LANCL2: variants seen among roughly 807,000 people sequenced by gnomAD.
The protein encoded by LANCL2 is lanC-like protein 2.
Under a neutral mutation model 56.9 loss-of-function variants are expected in LANCL2, and 33 were observed. That is an observed-to-expected ratio of 0.58 (90% CI 0.44 to 0.78). LANCL2 has a LOEUF of 0.78. LANCL2 is among the 30% of genes least tolerant of loss of function. LANCL2 has a pLI of 0.00. For missense variants in LANCL2, 562 were observed against 580.2 expected, an observed-to-expected ratio of 0.97 and a Z score of 0.32; for synonymous variants, 233 against 228.2, an observed-to-expected ratio of 1.02 and a Z score of -0.19.
chr7:55,367,368 G>A (rs1322107817), intron 1 of LANCL2, among the ~76,000 whole-genome samples: 1 of 152,176 alleles, frequency 6.6e-6, no homozygotes, highest in African/African-American at 2.4e-5. Flanking sequence ...AGAGCCATTG[G>A]TCTGAATATG....
chr7:55,402,119 C>G (rs1203308099), intron 5 of LANCL2, among the ~76,000 whole-genome samples: 2 of 139,494 alleles, frequency 1.4e-5, no homozygotes, highest in East Asian at 2.2e-4. Flanking sequence ...TAGGGGCGGC[C>G]GGGCAGAGGC....
rs149621704 is a variant in LANCL2 at position 55,397,564 on chromosome 7, G to C, written c.323-859G>C. Among the ~76,000 whole-genome samples the C allele has an allele frequency of 5.4e-5, 8 of 148,394 alleles. No individual in the cohort carries two copies. The East Asian group carries it at 1.6e-3, about 29-fold the overall frequency. On this transcript the variant is annotated intron_variant, in intron 2 of 8. Coordinates refer to ENST00000254770, the MANE Select transcript of LANCL2 (RefSeq NM_018697.4). ...GAAGAACCTCAACTTAAACATGAAA[G>C]AAATATTTCATTTGCCCTTTTCACC... is the stretch of plus-strand genomic sequence containing the variant.
At chr7:55,394,511 G>A (rs1046198087) in intron 2 of LANCL2, among the ~76,000 whole-genome samples, 1 of 152,228 alleles carries the variant, frequency 6.6e-6, no homozygotes, top group African/African-American at 2.4e-5. Context: ...AGTGAGCCAT[G>A]ATTACACTGC....
intron 2 of LANCL2, chr7:55,393,938 G>A (rs374031902): frequency 2.6e-5 from 4 of 152,142 alleles, no homozygotes; most frequent in Non-Finnish European, 4.4e-5. Context: ...TAGTCTCAAC[G>A]GGTTTCCCCT....
rs529382588 is a variant in LANCL2, at chr7:55,371,130, T to C, written c.204+4901T>C. Among the ~76,000 whole-genome samples, 8 of 152,350 alleles carry C rather than the reference T, an allele frequency of 5.3e-5. No homozygotes were observed. The East Asian group carries it at 1.5e-3, about 29-fold the overall frequency. Reference sequence around the variant, plus strand: ...TGTGCCTTAGAGCTCTAGACTTGTTTGTCCTGCATATCTTCCATTTTGTAT... The same window carrying C: ...TGTGCCTTAGAGCTCTAGACTTGTTCGTCCTGCATATCTTCCATTTTGTAT... On this transcript the variant is annotated intron_variant, in intron 1 of 8. Transcript: ENST00000254770.
intron 1 of LANCL2, among the ~76,000 whole-genome samples, chr7:55,375,901 A>G (rs1789994893): frequency 6.6e-6 from 1 of 152,076 alleles, no homozygotes; most frequent in Non-Finnish European, 1.5e-5. Context: ...TGCTTTCCAC[A>G]TGGTCCTTAC....
intron 2 of LANCL2, among the ~76,000 whole-genome samples, chr7:55,395,114 G>T (rs2128993109): frequency 6.6e-6 from 1 of 152,266 alleles, no homozygotes; most frequent in South Asian, 2.1e-4. Flanking sequence ...GGACACTGTT[G>T]GGATAAAAGT....
chr7:55,412,945 T>C (rs748133033), intron 6 of LANCL2, among the ~76,000 whole-genome samples: 1 of 152,214 alleles, frequency 6.6e-6, no homozygotes, highest in Admixed American at 6.5e-5. Context: ...TTATTTTTTC[T>C]TTACAGCTAC....
chr7:55,368,690 T>C (rs1789902190), intron 1 of LANCL2, among the ~76,000 whole-genome samples: 1 of 151,810 alleles, frequency 6.6e-6, no homozygotes, highest in Non-Finnish European at 1.5e-5. Context: ...ATGGGTTGAA[T>C]TGTGTCCCCC....
Position 55,433,707 on chromosome 7 carries a change from T to A in LANCL2, c.*2387T>A, listed in dbSNP as rs1243057242. 3 of 152,248 alleles carry A rather than the reference T, an allele frequency of 2.0e-5. No homozygotes were observed. Among genetic ancestry groups the A allele is most frequent in the Non-Finnish European group, 4.4e-5 (3 of 68,042 alleles). 9.4% of individuals were successfully genotyped at this position (152,248 alleles called of 1,614,324 possible). A position where few individuals can be genotyped will look rare whatever the true frequency, so the allele number is the denominator to read the frequency against. The stretch of plus-strand genomic sequence containing the variant: ...AGTGTTTGAGGTTCTTTGGTTTTGT[T>A]AGTAAAAGCCAGTTCTGTGGTGATG... On this transcript the variant is annotated 3_prime_UTR_variant, in exon 9 of 9. Transcript: ENST00000254770.
At chr7:55,397,246 A>G (rs983454228) in intron 2 of LANCL2, 5 of 152,176 alleles carry the variant, frequency 3.3e-5, no homozygotes, top group African/African-American at 7.2e-5. Flanking sequence ...GCGGATCACG[A>G]AGTCAGGAGT....
chr7:55,410,620 C>G (rs4948025), intron 5 of LANCL2, among the ~76,000 whole-genome samples: 51,053 of 152,066 alleles, frequency 0.34, 9,187 homozygotes, highest in East Asian at 0.53. Flanking sequence ...AGTGAAAAAT[C>G]AGTGGCCAGA....
intron 2 of LANCL2, among the ~76,000 whole-genome samples, chr7:55,396,747 A>G (rs1229093876): frequency 6.6e-6 from 1 of 152,230 alleles, no homozygotes; most frequent in Non-Finnish European, 1.5e-5. Flanking sequence ...TTTGCTTTAA[A>G]ATACTGAAGC....
At chr7:55,408,668 CAAAA>C (rs1190768725) in intron 5 of LANCL2, among the ~76,000 whole-genome samples, 1 of 135,880 alleles carries the variant, frequency 7.4e-6, no homozygotes, top group African/African-American at 2.8e-5. Flanking sequence ...GACCCTGTCT[CAAAA>C]AAAAAGAAAA....
chr7:55,376,597 C>G (rs1205568252), intron 1 of LANCL2, among the ~76,000 whole-genome samples: 2 of 152,248 alleles, frequency 1.3e-5, no homozygotes, highest in Non-Finnish European at 2.9e-5. Context: ...TTGCCTGCCT[C>G]TGTGAGTGGG....
chr7:55,368,155 G>A (rs1789896412), intron 1 of LANCL2, among the ~76,000 whole-genome samples: 1 of 152,210 alleles, frequency 6.6e-6, no homozygotes, highest in Non-Finnish European at 1.5e-5. Flanking sequence ...TAGAGACATG[G>A]GAAGCAGGTG....
At chr7:55,428,620 A>G (rs756711349) in intron 8 of LANCL2, among the ~76,000 whole-genome samples, 173 bp downstream of exon 8, 5 of 152,024 alleles carry the variant, frequency 3.3e-5, no homozygotes, top group Non-Finnish European at 7.4e-5. Context: ...CACCTTACCT[A>G]TTGTTTTGTG....
intron 5 of LANCL2, among the ~76,000 whole-genome samples, chr7:55,403,226 C>A (rs910235325): frequency 3.9e-5 from 6 of 152,284 alleles, no homozygotes; most frequent in African/African-American, 1.4e-4. Flanking sequence ...GGATCACTCG[C>A]GGTTAGGAGC....
intron 1 of LANCL2, among the ~76,000 whole-genome samples, chr7:55,389,431 TAAAG>T (rs1790161064): frequency 6.6e-6 from 1 of 152,104 alleles, no homozygotes; most frequent in Non-Finnish European, 1.5e-5. Context: ...ACTTTAAATA[TAAAG>T]AAAAAGGTTG....
Sources: gnomAD v4.1 joint callset for allele counts (sites outside exome capture counted in the v4.1 genomes callset) on GRCh38, gnomAD v4.1.1 for gene constraint, MANE v1.5 for transcripts, NCBI Gene and HGNC (gene_info 2026-07-23, HGNC 2026-07-21) for gene names.